Variants in PTPRM observed in about 807,000 individuals in gnomAD.
PTPRM encodes protein tyrosine phosphatase receptor type M, also known as receptor-type tyrosine-protein phosphatase mu.
In PTPRM, 47 loss-of-function variants were observed where a neutral mutation model predicts 186.7. The ratio of observed to expected loss-of-function variants is 0.25; its 90% CI spans 0.20 to 0.32. The LOEUF is 0.32. PTPRM is among the 10% of genes least tolerant of loss of function. PTPRM has a pLI of 1.00. For missense variants in PTPRM, 1,494 were observed against 1,865.0 expected (o/e 0.80, Z 3.66); for synonymous variants, 668 against 674.9 (o/e 0.99, Z 0.16).
intron 23 of PTPRM, among the ~76,000 whole-genome samples, chr18:8,352,632 C>CTTTTTTTTTTTTTGGTTTT (rs2095540295): frequency 7.7e-6 from 1 of 130,462 alleles, no homozygotes; most frequent in African/African-American, 2.8e-5. Flanking sequence ...TTTTTCTTTT[C>CTTTTTTTTTTTTTGGTTTT]TTTTTTTTTT....
intron 22 of PTPRM, among the ~76,000 whole-genome samples, chr18:8,325,018 A>G (rs763144783): frequency 1.3e-5 from 2 of 152,234 alleles, no homozygotes; most frequent in Non-Finnish European, 2.9e-5. Flanking sequence ...TTAGGAACAC[A>G]GACTCTGGAA....
At chr18:7,900,844 G>GT (rs925925900) in intron 3 of PTPRM, among the ~76,000 whole-genome samples, 17 of 152,080 alleles carry the variant, frequency 1.1e-4, no homozygotes, top group Admixed American at 2.6e-4. Flanking sequence ...CAAATAAATA[G>GT]TTTTTTTTGA....
chr18:8,066,919 A>C (rs2089129834), intron 7 of PTPRM, among the ~76,000 whole-genome samples: 1 of 152,250 alleles, frequency 6.6e-6, no homozygotes, highest in Non-Finnish European at 1.5e-5. Context: ...AAAGGTGCTC[A>C]CAGAGAAAGG....
chr18:7,591,910 T>C (rs937431118), intron 1 of PTPRM, among the ~76,000 whole-genome samples: 2 of 152,140 alleles, frequency 1.3e-5, no homozygotes, highest in African/African-American at 4.8e-5. Flanking sequence ...GGAGAATGCA[T>C]GATGAGAGAT....
At chr18:8,095,284 C>T (rs2090958077) in intron 11 of PTPRM, among the ~76,000 whole-genome samples, 1 of 152,036 alleles carries the variant, frequency 6.6e-6, no homozygotes, top group African/African-American at 2.4e-5. Flanking sequence ...GGCCAAGTAG[C>T]TGAATCTTGA....
At chr18:7,652,305 G>A (rs2038730073) in intron 1 of PTPRM, among the ~76,000 whole-genome samples, 1 of 152,170 alleles carries the variant, frequency 6.6e-6, no homozygotes, top group South Asian at 2.1e-4. Flanking sequence ...ACTGTTGGTG[G>A]GACTGTAAAC....
At position 8,240,623 on chromosome 18, in the gene PTPRM, GAGAGAGAGA is replaced by G. The variant is rs1568583369; in HGVS notation, c.2301-3434_2301-3426del. Among the ~76,000 whole-genome samples the G allele has an allele frequency of 3.7e-3, 98 of 26,134 alleles. 3 individuals carry two copies. The highest frequency in any genetic ancestry group is 6.2e-3 in the African/African-American group (31 of 5,000). The allele number at this position is 26,134 out of a possible 152,430, so 17.1% of individuals were successfully genotyped here. A position where few individuals can be genotyped will look rare whatever the true frequency, so the allele number is the denominator to read the frequency against. On this transcript the variant is annotated intron_variant, in intron 14 of 32. Coordinates refer to ENST00000580170, the MANE Select transcript of PTPRM (RefSeq NM_001105244.2). ...GGAGAGAGAGAGAGAGGGAGGGAGAGAGAGAGAGAGAGAGAGAGAGAGAGAGAGAGAAAG... is the reference window on the plus strand; with the variant it reads ...GGAGAGAGAGAGAGAGGGAGGGAGAGGAGAGAGAGAGAGAGAGAGAGAAAG...
intron 14 of PTPRM, among the ~76,000 whole-genome samples, chr18:8,145,398 G>C (rs949122247): frequency 6.6e-6 from 1 of 152,014 alleles, no homozygotes; most frequent in Non-Finnish European, 1.5e-5. Flanking sequence ...AGGTATACAC[G>C]TGCCATGGTG....
intron 13 of PTPRM, among the ~76,000 whole-genome samples, chr18:8,132,359 T>A (rs1333801391): frequency 6.6e-6 from 1 of 152,108 alleles, no homozygotes; most frequent in Non-Finnish European, 1.5e-5. Flanking sequence ...TCAAAGTGAG[T>A]TGCATGTGTC....
At chr18:8,020,496 A>C (rs764666416) in intron 7 of PTPRM, among the ~76,000 whole-genome samples, 3 of 152,174 alleles carry the variant, frequency 2.0e-5, no homozygotes, top group Non-Finnish European at 4.4e-5. Flanking sequence ...TTGTTTTTCA[A>C]ATGAGGTTTT....
chr18:7,896,618 A>G (rs1384261534), intron 3 of PTPRM, among the ~76,000 whole-genome samples: 1 of 152,200 alleles, frequency 6.6e-6, no homozygotes, highest in Non-Finnish European at 1.5e-5. Flanking sequence ...GGATAAAGTT[A>G]TCAAATATGA....
intron 1 of PTPRM, among the ~76,000 whole-genome samples, chr18:7,676,688 T>TGC (rs1555650430): frequency 0.032 from 4,745 of 150,122 alleles, 83 homozygotes; most frequent in African/African-American, 0.053. Flanking sequence ...TGTGTGTGTG[T>TGC]GCGCGTGCAC....
At chr18:8,323,670 T>G (rs2095359162) in intron 22 of PTPRM, among the ~76,000 whole-genome samples, 1 of 152,144 alleles carries the variant, frequency 6.6e-6, no homozygotes, top group African/African-American at 2.4e-5. Context: ...AGTTTCTTTT[T>G]GTCTCCATCA....
At chr18:8,206,268 A>ATTTTATTTTTTTTTTTTTT (rs1238112461) in intron 14 of PTPRM, among the ~76,000 whole-genome samples, 1 of 149,092 alleles carries the variant, frequency 6.7e-6, no homozygotes, top group African/African-American at 2.6e-5. Flanking sequence ...ATTTTATTTT[A>ATTTTATTTTTTTTTTTTTT]TTTTGAGACG....
intron 24 of PTPRM, among the ~76,000 whole-genome samples, chr18:8,375,789 T>C (rs1278844385): frequency 6.6e-6 from 1 of 152,184 alleles, no homozygotes; most frequent in African/African-American, 2.4e-5. Context: ...AATTCATCCA[T>C]TTGCTGGAAT....
chr18:7,786,027 C>T (rs1431041362), intron 2 of PTPRM, among the ~76,000 whole-genome samples: 1 of 152,082 alleles, frequency 6.6e-6, no homozygotes, highest in African/African-American at 2.4e-5. Context: ...GGACTGAATA[C>T]AGAAAAAATC....
chr18:7,572,539 A>C (rs894910024), intron 1 of PTPRM, among the ~76,000 whole-genome samples: 1 of 149,876 alleles, frequency 6.7e-6, no homozygotes, highest in Non-Finnish European at 1.5e-5. Context: ...GTTTTCTTTC[A>C]ATTTTTGTTT....
rs1326746798 is a variant in PTPRM, at chr18:8,406,535, T to G, written c.*373T>G. On this transcript the variant is annotated 3_prime_UTR_variant, in exon 33 of 33. Transcript: ENST00000580170. Reference sequence around the variant, plus strand: ...ATTGTTACAGCTGAGTGTATGTTTTTGTTCTGTGGAGAATGCTATCTGGCA... The same window carrying G: ...ATTGTTACAGCTGAGTGTATGTTTTGGTTCTGTGGAGAATGCTATCTGGCA... 1 of 200,814 alleles carries G rather than the reference T, an allele frequency of 5.0e-6. No individual in the cohort carries two copies. Among genetic ancestry groups the G allele is most frequent in the Non-Finnish European group, 1.0e-5 (1 of 98,106 alleles). The allele number at this position is 200,814 out of a possible 1,614,324, so 12.4% of individuals were successfully genotyped here. A position where few individuals can be genotyped will look rare whatever the true frequency, so the allele number is the denominator to read the frequency against.
chr18:8,000,280 T>C (rs1399622277), intron 7 of PTPRM, among the ~76,000 whole-genome samples: 1 of 152,204 alleles, frequency 6.6e-6, no homozygotes, highest in Non-Finnish European at 1.5e-5. Context: ...ATTTAAATTG[T>C]AGATAGTTGA....
Sources: allele counts gnomAD v4.1 joint callset (sites outside exome capture counted in the v4.1 genomes callset), GRCh38; gene constraint gnomAD v4.1.1; transcripts MANE v1.5; gene names NCBI Gene and HGNC (gene_info 2026-07-23, HGNC 2026-07-21).